KCNT2: variants seen among roughly 807,000 people sequenced by gnomAD.
KCNT2 encodes potassium sodium-activated channel subfamily T member 2, also known as potassium channel subfamily T member 2.
A neutral mutation model predicts 153.8 loss-of-function variants in KCNT2; 67 were observed. That is an observed-to-expected ratio of 0.44 (90% CI 0.36 to 0.53). KCNT2 has a LOEUF of 0.53. Ranked by LOEUF, KCNT2 falls within the 20% of genes least tolerant of loss-of-function variation. The pLI is 0.00. For synonymous variants in KCNT2, 500 were observed against 458.8 expected, an observed-to-expected ratio of 1.09 and a Z score of -1.15; for missense variants, 975 against 1,354.8, an observed-to-expected ratio of 0.72 and a Z score of 4.40.
chr1:196,309,131 T>C (rs994464629), intron 21 of KCNT2, among the ~76,000 whole-genome samples: 3 of 152,000 alleles, frequency 2.0e-5, no homozygotes, highest in Admixed American at 2.0e-4. Flanking sequence ...AGTGAATGGA[T>C]AAATTATGAA....
intron 27 of KCNT2, among the ~76,000 whole-genome samples, chr1:196,231,029 GAT>G (rs1653903663): frequency 6.6e-6 from 1 of 151,756 alleles, no homozygotes; most frequent in South Asian, 2.1e-4. Flanking sequence ...ATTGTTGTCT[GAT>G]TTTAAGAAAT....
At chr1:196,445,608 A>G (rs1262809739) in intron 8 of KCNT2, among the ~76,000 whole-genome samples, 1 of 151,476 alleles carries the variant, frequency 6.6e-6, no homozygotes, top group Non-Finnish European at 1.5e-5. Context: ...GTTCATCAAC[A>G]GAGAAACTTT....
At chr1:196,367,290 A>G (rs1264724346) in intron 14 of KCNT2, among the ~76,000 whole-genome samples, 2 of 152,166 alleles carry the variant, frequency 1.3e-5, no homozygotes, top group East Asian at 3.9e-4. Flanking sequence ...TAGCAGAATG[A>G]TTGCATCACC....
chr1:196,547,545 TAA>T (rs1027720397), intron 1 of KCNT2, among the ~76,000 whole-genome samples: 3 of 152,024 alleles, frequency 2.0e-5, no homozygotes, highest in South Asian at 2.1e-4. Flanking sequence ...CAATTTCACT[TAA>T]GTTTGTTTCT....
chr1:196,570,067 T>TAAAAAAAA lies in KCNT2; in HGVS notation c.95+38140_95+38147dup, dbSNP rs199836975. ...TGAGTCCAGGAAGCTTGAGCTAGAG[T>TAAAAAAAA]AAAAAAAAAAAAAAAAAAAAAAAAA... On this transcript the variant is annotated intron_variant, in intron 1 of 27. Transcript: ENST00000294725. 5.0e-3 allele frequency among the ~76,000 whole-genome samples: 672 copies of TAAAAAAAA among 133,494 alleles called. 27 individuals are homozygous for TAAAAAAAA. Among genetic ancestry groups the TAAAAAAAA allele is most frequent in the African/African-American group, 0.022 (607 of 27,336 alleles). 87.6% of individuals were successfully genotyped at this position (133,494 alleles called of 152,430 possible). A position where few individuals can be genotyped will look rare whatever the true frequency, so the allele number is the denominator to read the frequency against.
chr1:196,310,011 A>G (rs145402577), intron 21 of KCNT2, among the ~76,000 whole-genome samples: 1 of 151,876 alleles, frequency 6.6e-6, no homozygotes, highest in Non-Finnish European at 1.5e-5. Context: ...TAATTTATTC[A>G]ATAAATATTT....
At chr1:196,393,781 A>G (rs1325394058) in intron 13 of KCNT2, among the ~76,000 whole-genome samples, 1 of 151,590 alleles carries the variant, frequency 6.6e-6, no homozygotes, top group Non-Finnish European at 1.5e-5. Context: ...AGGGTTCCAC[A>G]ACATGGAAGC....
chr1:196,513,722 C>G (rs1681825190), intron 1 of KCNT2, among the ~76,000 whole-genome samples: 1 of 152,098 alleles, frequency 6.6e-6, no homozygotes, highest in Non-Finnish European at 1.5e-5. Context: ...TGCTCAGTAC[C>G]CTCTACTCCT....
chr1:196,396,530 C>T (rs1055295341), intron 13 of KCNT2, among the ~76,000 whole-genome samples: 1 of 151,532 alleles, frequency 6.6e-6, no homozygotes. Flanking sequence ...TAACTTCATG[C>T]TGAGATATAA....
intron 12 of KCNT2, among the ~76,000 whole-genome samples, chr1:196,416,489 C>A (rs1672762653): frequency 1.3e-5 from 2 of 151,958 alleles, no homozygotes; most frequent in South Asian, 2.1e-4. Flanking sequence ...AAAGTATTCC[C>A]CGTGGATAAG....
At chr1:196,366,539 A>C (rs1157531956) in intron 14 of KCNT2, among the ~76,000 whole-genome samples, 2 of 152,018 alleles carry the variant, frequency 1.3e-5, no homozygotes, top group Non-Finnish European at 1.5e-5. Flanking sequence ...TGCCTGGAAA[A>C]CTTATATCTC....
intron 9 of KCNT2, among the ~76,000 whole-genome samples, chr1:196,429,326 A>C (rs768095302): frequency 2.0e-5 from 3 of 152,068 alleles, no homozygotes. Flanking sequence ...TACTAAAAAA[A>C]ATCTTGAATG....
intron 8 of KCNT2, among the ~76,000 whole-genome samples, chr1:196,430,687 C>T (rs1203971699): frequency 1.3e-5 from 2 of 151,942 alleles, no homozygotes; most frequent in Non-Finnish European, 2.9e-5. Flanking sequence ...TTGTGCAAAG[C>T]TATTGATGAG....
chr1:196,474,764 A>T (rs1360322486), intron 5 of KCNT2, among the ~76,000 whole-genome samples: 2 of 152,176 alleles, frequency 1.3e-5, no homozygotes, highest in African/African-American at 4.8e-5. Flanking sequence ...ATTAGAGGGT[A>T]TTTATGATGA....
intron 1 of KCNT2, among the ~76,000 whole-genome samples, chr1:196,580,326 G>A (rs1383747037): frequency 6.6e-6 from 1 of 152,116 alleles, no homozygotes; most frequent in African/African-American, 2.4e-5. Context: ...GCTTGAAGAT[G>A]GTTCAGTGGG....
chr1:196,324,299 A>G (rs781618132), intron 19 of KCNT2, among the ~76,000 whole-genome samples: 2 of 151,998 alleles, frequency 1.3e-5, no homozygotes, highest in Non-Finnish European at 2.9e-5. Context: ...AGTATGAGCA[A>G]GCAACATGTA....
At chr1:196,322,282 T>C (rs1405118919) in intron 19 of KCNT2, among the ~76,000 whole-genome samples, 5 of 151,854 alleles carry the variant, frequency 3.3e-5, no homozygotes, top group African/African-American at 1.2e-4. Flanking sequence ...GAAAAATTGT[T>C]ACTTATACAA....
At chr1:196,295,624 G>T (rs1269384209) in intron 22 of KCNT2, among the ~76,000 whole-genome samples, 1 of 151,824 alleles carries the variant, frequency 6.6e-6, no homozygotes, top group Non-Finnish European at 1.5e-5. Context: ...AATTAAGGAG[G>T]ATATTCCACT....
At chr1:196,507,232 T>C (rs574362562) in intron 1 of KCNT2, among the ~76,000 whole-genome samples, 5 of 152,268 alleles carry the variant, frequency 3.3e-5, no homozygotes, top group South Asian at 4.1e-4. Flanking sequence ...GATAATGATA[T>C]AGTTAAAATT....
Sources: allele counts gnomAD v4.1 joint callset (sites outside exome capture counted in the v4.1 genomes callset), GRCh38; gene constraint gnomAD v4.1.1; transcripts MANE v1.5; gene names NCBI Gene and HGNC (gene_info 2026-07-23, HGNC 2026-07-21).